The following APP variants were observed in gnomAD, a reference collection of about 807,000 sequenced individuals.
APP encodes the protein amyloid-beta precursor protein.
APP carries 31 observed loss-of-function variants against 101.4 expected under a neutral mutation model. The ratio of observed to expected loss-of-function variants is 0.31; its 90% CI spans 0.23 to 0.41. The LOEUF (loss-of-function observed/expected upper bound fraction) is 0.41, where lower values mean the gene tolerates loss of function less well. Among genes scored for constraint, APP ranks in the 10% least tolerant of loss-of-function variants. APP has a pLI of 1.00. For synonymous variants in APP, 366 were observed against 364.4 expected, an observed-to-expected ratio of 1.00 and a Z score of -0.05; for missense variants, 839 against 1,003.7, an observed-to-expected ratio of 0.84 and a Z score of 2.22.
chr21:26,051,055 C>T lies in APP; in HGVS notation c.607G>A (p.Glu203Lys). 6.2e-7 allele frequency: 1 copy of T among 1,614,190 alleles called. No individual in the cohort carries two copies. The highest frequency in any genetic ancestry group is 1.1e-5 in the South Asian group (1 of 91,080). Residue 203 changes from glutamate (E) to lysine (K), a missense_variant, in exon 5 of 18, where the codon GAG (glutamate) becomes AAG (lysine). Transcript: ENST00000346798. ...CCCCACCAGACATCCGAGTCATCCTCCTCCGCATCAGCAGAATCCACATTG... is the reference window on the plus strand; with the variant it reads ...CCCCACCAGACATCCGAGTCATCCTTCTCCGCATCAGCAGAATCCACATTG... ...SDNVDSADAE[E>K]DDSDVWWGGA...
intron 1 of APP, among the ~76,000 whole-genome samples, chr21:26,164,906 A>C (rs2063574559): frequency 6.6e-6 from 1 of 152,032 alleles, no homozygotes; most frequent in African/African-American, 2.4e-5. Flanking sequence ...AAAAAGAAAA[A>C]AAAAAACTAG....
chr21:26,021,957 C>A lies in APP; in HGVS notation c.748G>T (p.Asp250Tyr). The A allele has an allele frequency of 6.2e-7, 1 of 1,613,822 alleles. No homozygotes were observed. The highest frequency in any genetic ancestry group is 1.1e-5 in the South Asian group (1 of 91,072). Residue 250 changes from aspartate to tyrosine, a missense_variant, in exon 6 of 18, where the codon GAT (aspartate) becomes TAT (tyrosine). Coordinates refer to ENST00000346798, the MANE Select transcript of APP (RefSeq NM_000484.4). ...EEADDDEDDE[D>Y]GDEVEEEAEE... ...GCCTCTTCCTCTACCTCATCACCAT[C>A]CTCATCGTCCTCGTCATCATCGGCT...
chr21:26,150,993 C>T (rs187193367), intron 1 of APP, among the ~76,000 whole-genome samples: 29 of 152,242 alleles, frequency 1.9e-4, no homozygotes, highest in Admixed American at 9.8e-4. Context: ...ACCACAGAAA[C>T]GGCAGTTAAT....
intron 3 of APP, among the ~76,000 whole-genome samples, chr21:26,085,968 T>C (rs1408094269): frequency 2.0e-5 from 3 of 152,220 alleles, no homozygotes; most frequent in African/African-American, 7.2e-5. Flanking sequence ...GTAATTCCTT[T>C]TTTGGATTAA....
At chr21:25,950,170 C>T (rs113427063) in intron 13 of APP, among the ~76,000 whole-genome samples, 6,161 of 152,184 alleles carry the variant, frequency 0.04, 396 homozygotes, top group African/African-American at 0.14. Flanking sequence ...TGTACCTCAA[C>T]GGGGAACATT....
At chr21:25,984,346 C>A (rs1403377479) in intron 8 of APP, among the ~76,000 whole-genome samples, 1 of 151,958 alleles carries the variant, frequency 6.6e-6, no homozygotes, top group Non-Finnish European at 1.5e-5. Flanking sequence ...ATGAATTACA[C>A]ACAGGATCAC....
intron 16 of APP, among the ~76,000 whole-genome samples, chr21:25,896,554 C>T (rs1389687831): frequency 6.6e-6 from 1 of 152,150 alleles, no homozygotes; most frequent in African/African-American, 2.4e-5. Flanking sequence ...TAATTTAACC[C>T]TCTTACTGCA....
At chr21:26,127,164 A>G (rs947734661) in intron 1 of APP, among the ~76,000 whole-genome samples, 2 of 150,352 alleles carry the variant, frequency 1.3e-5, no homozygotes, top group African/African-American at 4.9e-5. Context: ...TCTTTTAATT[A>G]AGAAATCTTG....
chr21:25,892,322 T>C (rs2037753698), intron 16 of APP, among the ~76,000 whole-genome samples: 1 of 152,186 alleles, frequency 6.6e-6, no homozygotes, highest in African/African-American at 2.4e-5. Context: ...CTCTGAGCCC[T>C]GATGTGTGAC....
chr21:25,910,189 T>G (rs1476913957), intron 14 of APP, among the ~76,000 whole-genome samples: 1 of 62,884 alleles, frequency 1.6e-5, no homozygotes, highest in Non-Finnish European at 2.9e-5. Flanking sequence ...TGCAGTGGTG[T>G]GATCTCAGCT....
At chr21:26,055,892 C>T (rs1364154040) in intron 3 of APP, among the ~76,000 whole-genome samples, 1 of 152,198 alleles carries the variant, frequency 6.6e-6, no homozygotes, top group Non-Finnish European at 1.5e-5. Flanking sequence ...GGGCATAAAT[C>T]AGACAGTAAG....
chr21:25,946,992 T>A (rs1034470907), intron 13 of APP, among the ~76,000 whole-genome samples: 20 of 152,224 alleles, frequency 1.3e-4, no homozygotes, highest in African/African-American at 4.8e-4. Flanking sequence ...CATTCATTAT[T>A]CCTAGAAAGT....
At chr21:25,934,888 C>T (rs968742788) in intron 13 of APP, 23 of 152,256 alleles carry the variant, frequency 1.5e-4, no homozygotes, top group African/African-American at 5.3e-4. Context: ...AGCTCTGTTC[C>T]TCTTCCAATG....
intron 9 of APP, among the ~76,000 whole-genome samples, chr21:25,976,888 G>A (rs192098509): frequency 2.4e-4 from 36 of 152,270 alleles, no homozygotes; most frequent in Middle Eastern, 3.4e-3. Context: ...ATTGTGAGAA[G>A]TGGGTTGTTA....
intron 14 of APP, among the ~76,000 whole-genome samples, chr21:25,909,588 T>C (rs532472551): frequency 6.6e-6 from 1 of 152,212 alleles, no homozygotes. Flanking sequence ...TGTATGTGTG[T>C]GTGTGTACAT....
intron 16 of APP, among the ~76,000 whole-genome samples, chr21:25,893,887 T>G (rs751503842): frequency 1.3e-5 from 2 of 152,196 alleles, no homozygotes; most frequent in Non-Finnish European, 2.9e-5. Flanking sequence ...ATCTAGGACT[T>G]TCATCACTAG....
At chr21:26,052,586 A>C (rs2045880755) in intron 4 of APP, among the ~76,000 whole-genome samples, 1 of 152,246 alleles carries the variant, frequency 6.6e-6, no homozygotes, top group Non-Finnish European at 1.5e-5. Context: ...CTTAGCCAAA[A>C]GCAGAGGTTA....
chr21:26,042,310 T>G (rs1342373216), intron 5 of APP, among the ~76,000 whole-genome samples: 1 of 152,222 alleles, frequency 6.6e-6, no homozygotes, highest in Non-Finnish European at 1.5e-5. Flanking sequence ...ACATAAATTC[T>G]CATGACAGCC....
chr21:26,040,902 T>A (rs1036964765), intron 5 of APP, among the ~76,000 whole-genome samples: 1 of 152,224 alleles, frequency 6.6e-6, no homozygotes, highest in Non-Finnish European at 1.5e-5. Context: ...GGCATTAGTC[T>A]ACCACCTACA....
Sources: gnomAD v4.1 joint callset for allele counts (sites outside exome capture counted in the v4.1 genomes callset) on GRCh38, gnomAD v4.1.1 for gene constraint, MANE v1.5 for transcripts, NCBI Gene and HGNC (gene_info 2026-07-23, HGNC 2026-07-21) for gene names.